The following USP15 variants were observed in gnomAD, a reference collection of about 807,000 sequenced individuals.
USP15 encodes the protein ubiquitin carboxyl-terminal hydrolase 15.
Under a neutral mutation model 127.1 loss-of-function variants are expected in USP15, and 18 were observed. The observed-to-expected ratio is 0.14, with a 90% CI of 0.10 to 0.21. The LOEUF (loss-of-function observed/expected upper bound fraction) is 0.21, where lower values mean the gene tolerates loss of function less well. USP15 is among the 10% of genes least tolerant of loss of function. The pLI is 1.00. For missense variants in USP15, 805 were observed against 1,159.9 expected, an observed-to-expected ratio of 0.69 and a Z score of 4.44; for synonymous variants, 364 against 393.7, an observed-to-expected ratio of 0.92 and a Z score of 0.89.
intron 2 of USP15, among the ~76,000 whole-genome samples, chr12:62,296,937 G>A (rs1045348059): frequency 1.3e-5 from 2 of 152,198 alleles, no homozygotes; most frequent in Non-Finnish European, 2.9e-5. Flanking sequence ...CTTACATAGA[G>A]TGCTGAAGGA....
intron 11 of USP15, among the ~76,000 whole-genome samples, chr12:62,385,884 A>G (rs1269260213): frequency 6.6e-6 from 1 of 152,096 alleles, no homozygotes; most frequent in Non-Finnish European, 1.5e-5. Context: ...CAAAAAATAA[A>G]TGTAGATGTT....
At chr12:62,305,103 A>G (rs2064442238) in intron 3 of USP15, among the ~76,000 whole-genome samples, 1 of 152,114 alleles carries the variant, frequency 6.6e-6, no homozygotes, top group Non-Finnish European at 1.5e-5. Flanking sequence ...ATGCATACAT[A>G]TAGTTGGAAT....
intron 6 of USP15, among the ~76,000 whole-genome samples, chr12:62,342,528 C>G (rs2065676343): frequency 6.6e-6 from 1 of 152,120 alleles, no homozygotes; most frequent in Non-Finnish European, 1.5e-5. Context: ...CTGGTTTATC[C>G]TCATCTTCAT....
At chr12:62,396,687 TTGA>T (rs2067501238) in intron 20 of USP15, among the ~76,000 whole-genome samples, 1 of 152,180 alleles carries the variant, frequency 6.6e-6, no homozygotes. Context: ...TCTAACATGT[TTGA>T]TGCATATACT....
Position 62,355,551 on chromosome 12 carries a change from A to G in USP15, c.915+76A>G, listed in dbSNP as rs1036077561. The G allele has an allele frequency of 1.9e-5, 27 of 1,440,474 alleles. No homozygotes were observed. The Admixed American group carries it at 4.1e-4, about 22-fold the overall frequency. The allele number at this position is 1,440,474 out of a possible 1,614,324, so 89.2% of individuals were successfully genotyped here. A position where few individuals can be genotyped will look rare whatever the true frequency, so the allele number is the denominator to read the frequency against. On this transcript the variant is annotated intron_variant, in intron 8 of 21. Transcript: ENST00000280377. ...ACAAGAAGATAAAGTTGGGTTTTTCATGCCAGAACATGAGTATATGTTTTG... is the reference window on the plus strand; with the variant it reads ...ACAAGAAGATAAAGTTGGGTTTTTCGTGCCAGAACATGAGTATATGTTTTG...
intron 9 of USP15, among the ~76,000 whole-genome samples, chr12:62,382,089 T>C (rs2067007347): frequency 6.6e-6 from 1 of 152,016 alleles, no homozygotes; most frequent in Non-Finnish European, 1.5e-5. Flanking sequence ...CATTTTACTT[T>C]GAGAGTCATT....
chr12:62,382,731 A>G (rs2067028545), intron 9 of USP15, among the ~76,000 whole-genome samples: 1 of 151,898 alleles, frequency 6.6e-6, no homozygotes, highest in Non-Finnish European at 1.5e-5. Flanking sequence ...TTGAATATGA[A>G]CATTAATGTT....
intron 1 of USP15, among the ~76,000 whole-genome samples, chr12:62,284,133 T>TA (rs2063728528): frequency 6.6e-6 from 1 of 152,202 alleles, no homozygotes; most frequent in Admixed American, 6.5e-5. Context: ...AATGGAGAGA[T>TA]ACGCCGTGGC....
chr12:62,274,957 G>T (rs1219802388), intron 1 of USP15, among the ~76,000 whole-genome samples: 1 of 152,126 alleles, frequency 6.6e-6, no homozygotes, highest in Non-Finnish European at 1.5e-5. Flanking sequence ...TAAAAATAGT[G>T]TGGAAGGGGA....
rs555216980 is a variant in USP15, at chr12:62,359,523, ATC to A, written c.915+4051_915+4052del. Among the ~76,000 whole-genome samples the A allele has an allele frequency of 2.7e-3, 411 of 152,248 alleles. 1 individual carries two copies. The highest frequency in any genetic ancestry group is 0.014 in the Middle Eastern group (4 of 294). ...ACTGAATACATATTATGTAGAAATT[ATC>A]TCATCTTTTTTTAAAATTCAACAAG... On this transcript the variant is annotated intron_variant, in intron 8 of 21. Coordinates refer to ENST00000280377, the MANE Select transcript of USP15 (RefSeq NM_001252078.2).
chr12:62,363,754 C>T lies in USP15; in HGVS notation c.915+8279C>T, dbSNP rs993161052. Among the ~76,000 whole-genome samples, 9 of 152,146 alleles carry T rather than the reference C, an allele frequency of 5.9e-5. No individual in the cohort carries two copies. The East Asian group carries it at 1.7e-3, about 29-fold the overall frequency. On this transcript the variant is annotated intron_variant, in intron 8 of 21. Transcript: ENST00000280377. ...GACTGCTGGAATTTTGTTTTAGTCA[C>T]TGTTGTAGCCCCATTGCCTGGAATA...
chr12:62,285,753 G>A (rs1196338135), intron 1 of USP15, among the ~76,000 whole-genome samples: 1 of 152,074 alleles, frequency 6.6e-6, no homozygotes, highest in Non-Finnish European at 1.5e-5. Flanking sequence ...ACATACAAGT[G>A]CAGGTGTCTT....
Position 62,386,584 on chromosome 12 carries a change from A to G in USP15, c.1473+2282A>G, listed in dbSNP as rs530584772. Among the ~76,000 whole-genome samples, 4 of 152,168 alleles carry G rather than the reference A, an allele frequency of 2.6e-5. No homozygotes were observed. In the South Asian group the frequency reaches 8.3e-4, roughly 32 times the overall value. On this transcript the variant is annotated intron_variant, in intron 11 of 21. Coordinates refer to ENST00000280377, the MANE Select transcript of USP15 (RefSeq NM_001252078.2). ...TGAAAACTAGAAATAAAAGCATTATAGGCCAAGATAATGGCATGTACAAAG... is the reference window on the plus strand; with the variant it reads ...TGAAAACTAGAAATAAAAGCATTATGGGCCAAGATAATGGCATGTACAAAG...
chr12:62,389,493 G>A lies in USP15; in HGVS notation c.1536G>A (p.Leu512=). 1 of 1,613,738 alleles carries A rather than the reference G, an allele frequency of 6.2e-7. No individual in the cohort carries two copies. The highest frequency in any genetic ancestry group is 8.5e-7 in the Non-Finnish European group (1 of 1,179,896). The change falls in exon 12 of 22, where the codon TTG becomes TTA. Residue 512 remains leucine (L), a synonymous_variant. Transcript: ENST00000280377. ...ILDLCTALSA[L]SGIPADKMIV... is the part of the protein sequence containing the mutation. ...ATCTTTGTACAGCATTGTCTGCTTT[G>A]TCAGGAATACCTGCAGATAAGGTAA...
rs1483897133 is a variant in USP15, at chr12:62,408,866, G to A, written c.*4491G>A. On this transcript the variant is annotated 3_prime_UTR_variant, in exon 22 of 22. Transcript: ENST00000280377. ...AATTCAATATGTATGTGTTTTACGT[G>A]TTTAATTCGTATTTACTATATATTA... The A allele has an allele frequency of 2.0e-5, 3 of 152,074 alleles. No homozygotes were observed. The highest frequency in any genetic ancestry group is 2.0e-4 in the Admixed American group (3 of 15,266). 9.4% of individuals were successfully genotyped at this position (152,074 alleles called of 1,614,324 possible).
At chr12:62,324,498 G>A (rs2137294273) in intron 5 of USP15, among the ~76,000 whole-genome samples, 1 of 151,988 alleles carries the variant, frequency 6.6e-6, no homozygotes, top group South Asian at 2.1e-4. Context: ...TTCTGGAGAA[G>A]TGAAAAATCA....
chr12:62,289,227 G>GTTGTT (rs1565821648), intron 1 of USP15, among the ~76,000 whole-genome samples: 1 of 151,824 alleles, frequency 6.6e-6, no homozygotes, highest in African/African-American at 2.4e-5. Context: ...TGTTGTTGTT[G>GTTGTT]TTGTTGTTGT....
At chr12:62,375,576 A>G (rs913824801) in intron 8 of USP15, among the ~76,000 whole-genome samples, 5 of 152,164 alleles carry the variant, frequency 3.3e-5, no homozygotes, top group Admixed American at 2.6e-4. Flanking sequence ...AGAGAAAGGA[A>G]TATTCGTTCT....
Position 62,335,213 on chromosome 12 carries a change from C to T in USP15, c.683+9280C>T, listed in dbSNP as rs746162888. On this transcript the variant is annotated intron_variant, in intron 6 of 21. Transcript: ENST00000280377. ...TAGTGAACAGTTTAATTTCCACATA[C>T]GTCACAGAAAGAGAGCTAAAGGGCT... 3.0e-5 allele frequency: 46 copies of T among 1,535,476 alleles called. 1 individual carries two copies. Among genetic ancestry groups the T allele is most frequent in the East Asian group, 1.7e-4 (7 of 40,896 alleles).
Sources: gnomAD v4.1 joint callset for allele counts (sites outside exome capture counted in the v4.1 genomes callset) on GRCh38, gnomAD v4.1.1 for gene constraint, MANE v1.5 for transcripts, NCBI Gene and HGNC (gene_info 2026-07-23, HGNC 2026-07-21) for gene names.